Variants in GALNTL6 observed in about 807,000 individuals in gnomAD.
GALNTL6 encodes polypeptide N-acetylgalactosaminyltransferase-like 6.
GALNTL6 carries 46 observed loss-of-function variants against 73.7 expected under a neutral mutation model. The observed-to-expected ratio is 0.62, with a 90% CI of 0.49 to 0.80. The LOEUF is 0.80. Among genes scored for constraint, GALNTL6 ranks in the 30% least tolerant of loss-of-function variants. The pLI is 0.00. For missense variants in GALNTL6, 604 were observed against 755.0 expected (o/e 0.80, Z 2.34); for synonymous variants, 259 against 263.7 (o/e 0.98, Z 0.17).
chr4:172,497,215 G>T (rs115904369), intron 5 of GALNTL6, among the ~76,000 whole-genome samples: 379 of 152,260 alleles, frequency 2.5e-3, no homozygotes, highest in African/African-American at 8.5e-3. Context: ...CAATGAATAA[G>T]TATTTAAGCA....
intron 5 of GALNTL6, among the ~76,000 whole-genome samples, chr4:172,417,885 A>G (rs1306478646): frequency 1.3e-5 from 2 of 152,208 alleles, no homozygotes; most frequent in African/African-American, 4.8e-5. Flanking sequence ...AAAGTTTCTC[A>G]GCACTGCTGC....
At chr4:172,677,726 C>G (rs1336439133) in intron 5 of GALNTL6, among the ~76,000 whole-genome samples, 1 of 151,738 alleles carries the variant, frequency 6.6e-6, no homozygotes, top group African/African-American at 2.4e-5. Flanking sequence ...AGTTGGAGAT[C>G]AGCCTAGATA....
chr4:171,947,384 T>A (rs1192666675), intron 2 of GALNTL6, among the ~76,000 whole-genome samples: 1 of 152,160 alleles, frequency 6.6e-6, no homozygotes, highest in Non-Finnish European at 1.5e-5. Context: ...GCACTGAGCA[T>A]GGTTAGGGTT....
chr4:172,986,123 G>C lies in GALNTL6; in HGVS notation c.1372-23055G>C, dbSNP rs572712893. ...GTTAGAAGCAAGATCAGCTGATTAG[G>C]CCAGATTTCTTTCACTGTCATAATT... On this transcript the variant is annotated intron_variant, in intron 10 of 12. Coordinates refer to ENST00000506823, the MANE Select transcript of GALNTL6 (RefSeq NM_001034845.3). Among the ~76,000 whole-genome samples the C allele has an allele frequency of 1.4e-3, 216 of 152,300 alleles. 1 individual carries two copies. The highest frequency in any genetic ancestry group is 5.0e-3 in the African/African-American group (206 of 41,568).
intron 2 of GALNTL6, among the ~76,000 whole-genome samples, chr4:171,890,579 A>G (rs1372484308): frequency 6.6e-6 from 1 of 152,180 alleles, no homozygotes; most frequent in East Asian, 1.9e-4. Flanking sequence ...CCTGATGGCA[A>G]TATTAAAATA....
chr4:171,828,883 C>T (rs775873304), intron 2 of GALNTL6, among the ~76,000 whole-genome samples: 15 of 152,116 alleles, frequency 9.9e-5, no homozygotes, highest in Admixed American at 3.3e-4. Flanking sequence ...GATCCTTCTG[C>T]CTGGGCCTCT....
intron 2 of GALNTL6, among the ~76,000 whole-genome samples, chr4:172,050,124 G>A (rs997056678): frequency 5.3e-5 from 8 of 152,046 alleles, no homozygotes; most frequent in Non-Finnish European, 8.8e-5. Flanking sequence ...TGGTAACTTT[G>A]GTTTTATTCC....
chr4:172,492,072 A>G (rs1733915879), intron 5 of GALNTL6, among the ~76,000 whole-genome samples: 2 of 111,594 alleles, frequency 1.8e-5, no homozygotes, highest in South Asian at 4.6e-4. Context: ...GAAGCGGTCT[A>G]TTCACTCATA....
At chr4:172,768,411 TCCAGGCTCTTGACACCA>T (rs1738564965) in intron 5 of GALNTL6, among the ~76,000 whole-genome samples, 1 of 152,144 alleles carries the variant, frequency 6.6e-6, no homozygotes, top group South Asian at 2.1e-4. Flanking sequence ...TCAGCCAGTA[TCCAGGCTCTTGACACCA>T]TTGTGAGAAC....
At chr4:172,037,141 A>G (rs571797488) in intron 2 of GALNTL6, among the ~76,000 whole-genome samples, 138 of 152,304 alleles carry the variant, frequency 9.1e-4, no homozygotes, top group African/African-American at 2.8e-3. Context: ...AGAGCTTGCT[A>G]AGATAACGGG....
intron 5 of GALNTL6, among the ~76,000 whole-genome samples, chr4:172,398,773 G>A (rs76546512): frequency 0.039 from 5,995 of 152,028 alleles, 177 homozygotes; most frequent in Middle Eastern, 0.082. Flanking sequence ...CATAGAAATC[G>A]AATTATGTTA....
chr4:172,139,308 T>A (rs916687445), intron 2 of GALNTL6, among the ~76,000 whole-genome samples: 1 of 152,218 alleles, frequency 6.6e-6, no homozygotes, highest in Admixed American at 6.5e-5. Flanking sequence ...ACATTGAATA[T>A]ACTTTTTAAA....
intron 5 of GALNTL6, among the ~76,000 whole-genome samples, chr4:172,459,160 A>G (rs1415463307): frequency 6.6e-6 from 1 of 152,198 alleles, no homozygotes; most frequent in African/African-American, 2.4e-5. Context: ...ATAAAATTCA[A>G]CACCCCTTCA....
chr4:172,516,990 T>C (rs936090435), intron 5 of GALNTL6, among the ~76,000 whole-genome samples: 4 of 152,018 alleles, frequency 2.6e-5, no homozygotes, highest in African/African-American at 9.7e-5. Flanking sequence ...CACATTCATA[T>C]AAAGAGAAGG....
chr4:171,904,299 A>G (rs1448580133), intron 2 of GALNTL6, among the ~76,000 whole-genome samples: 1 of 152,180 alleles, frequency 6.6e-6, no homozygotes. Flanking sequence ...AAGTGCTTAA[A>G]GGAGCTGATG....
At chr4:172,700,592 G>A (rs544050982) in intron 5 of GALNTL6, among the ~76,000 whole-genome samples, 5 of 152,126 alleles carry the variant, frequency 3.3e-5, no homozygotes, top group African/African-American at 7.2e-5. Context: ...GAGGTCAGCC[G>A]GTTTTCCACA....
chr4:172,333,441 C>T lies in GALNTL6; in HGVS notation c.387-15082C>T, dbSNP rs372088340. ...AATAAAAACAAAACAAAACAAAAAA[C>T]GAAATGTACATTGATGTCCTTTGCC... is the stretch of plus-strand genomic sequence containing the variant. On this transcript the variant is annotated intron_variant, in intron 4 of 12. Coordinates refer to ENST00000506823, the MANE Select transcript of GALNTL6 (RefSeq NM_001034845.3). 7.9e-5 allele frequency among the ~76,000 whole-genome samples: 12 copies of T among 151,996 alleles called. No homozygotes were observed. In the South Asian group the frequency reaches 1.5e-3, roughly 18 times the overall value.
intron 2 of GALNTL6, among the ~76,000 whole-genome samples, chr4:172,117,021 AGTTT>A (rs1733002023): frequency 6.6e-6 from 1 of 152,184 alleles, no homozygotes; most frequent in Non-Finnish European, 1.5e-5. Context: ...TGTATTATAT[AGTTT>A]ATTTGTTCTA....
chr4:172,905,856 C>CA lies in GALNTL6; in HGVS notation c.1041+22955dup, dbSNP rs1489192652. On this transcript the variant is annotated intron_variant, in intron 8 of 12. Coordinates refer to ENST00000506823, the MANE Select transcript of GALNTL6 (RefSeq NM_001034845.3). ...AAAAAAGGAGAACAAGAAACGGGAA[C>CA]AAAAAACCTAAATTTATCCTTAACA... 1.8e-4 allele frequency among the ~76,000 whole-genome samples: 14 copies of CA among 78,100 alleles called. No homozygotes were observed. In the East Asian group the frequency reaches 1.9e-3, roughly 11 times the overall value. 51.2% of individuals were successfully genotyped at this position (78,100 alleles called of 152,430 possible).
Sources: allele counts gnomAD v4.1 joint callset (sites outside exome capture counted in the v4.1 genomes callset), GRCh38; gene constraint gnomAD v4.1.1; transcripts MANE v1.5; gene names NCBI Gene and HGNC (gene_info 2026-07-23, HGNC 2026-07-21).